The following COL19A1 variants were observed in gnomAD, a reference collection of about 807,000 sequenced individuals.
COL19A1 encodes the protein collagen type XIX alpha 1 chain, also known as collagen alpha-1(XIX) chain.
COL19A1 carries 159 observed loss-of-function variants against 190.2 expected under a neutral mutation model. The ratio of observed to expected loss-of-function variants is 0.84; its 90% CI spans 0.73 to 0.95. The LOEUF is 0.95. COL19A1 is among the 40% of genes least tolerant of loss of function. The pLI is 0.00. For missense variants in COL19A1, 1,418 were observed against 1,431.9 expected, an observed-to-expected ratio of 0.99 and a Z score of 0.16; for synonymous variants, 509 against 458.9, an observed-to-expected ratio of 1.11 and a Z score of -1.39.
At chr6:70,111,327 A>G (rs13203566) in intron 16 of COL19A1, among the ~76,000 whole-genome samples, 1 of 152,182 alleles carries the variant, frequency 6.6e-6, no homozygotes, top group Non-Finnish European at 1.5e-5. Context: ...TAGAGAAGCA[A>G]CAAGTTTTCA....
intron 12 of COL19A1, among the ~76,000 whole-genome samples, chr6:70,024,611 GTGT>G (rs1778628721): frequency 2.2e-5 from 3 of 137,778 alleles, no homozygotes; most frequent in African/African-American, 5.2e-5. Context: ...GTGTGTGTGT[GTGT>G]GGGTGTGTGG....
Position 70,034,304 on chromosome 6 carries a change from G to A in COL19A1, c.1134+6G>A. ...CTGGCCCAAAAGGAGAAAAGGTATT[G>A]TGTTTACCCAGCCAAGCCCAACCTT... On this transcript the variant is annotated splice_donor_region_variant and intron_variant, in intron 13 of 50. Transcript: ENST00000620364. The A allele has an allele frequency of 6.2e-7, 1 of 1,611,598 alleles. No homozygotes were observed. The highest frequency in any genetic ancestry group is 1.1e-5 in the South Asian group (1 of 91,050).
intron 9 of COL19A1, among the ~76,000 whole-genome samples, chr6:69,959,368 TACAC>T (rs745432258): frequency 1.3e-5 from 2 of 150,914 alleles, no homozygotes; most frequent in African/African-American, 4.9e-5. Context: ...TATATAAGAA[TACAC>T]ACACACACAC....
At chr6:69,962,569 T>C (rs1377483813) in intron 10 of COL19A1, among the ~76,000 whole-genome samples, 3 of 152,218 alleles carry the variant, frequency 2.0e-5, no homozygotes, top group Non-Finnish European at 2.9e-5. Flanking sequence ...ATTTTATACC[T>C]GAGAAAATTC....
intron 11 of COL19A1, among the ~76,000 whole-genome samples, chr6:69,984,638 G>A (rs1396681568): frequency 3.3e-5 from 5 of 152,140 alleles, no homozygotes; most frequent in East Asian, 1.9e-4. Context: ...TGAAGTTTCT[G>A]TATCATTCTC....
chr6:70,156,106 C>T lies in COL19A1; in HGVS notation c.2080-21C>T, dbSNP rs199815718. On this transcript the variant is annotated intron_variant, in intron 31 of 50. Coordinates refer to ENST00000620364, the MANE Select transcript of COL19A1 (RefSeq NM_001858.6). ...ACGGCTTTTATGACTCCCTCAGTAA[C>T]CTTATCTTTATACTCATTAGAATTT... is the stretch of plus-strand genomic sequence containing the variant. 1.6e-5 allele frequency: 25 copies of T among 1,607,790 alleles called. No individual in the cohort carries two copies. The East Asian group carries it at 5.4e-4, about 35-fold the overall frequency.
At chr6:70,187,274 TCC>T (rs1562255500) in intron 46 of COL19A1, among the ~76,000 whole-genome samples, 6 of 152,128 alleles carry the variant, frequency 3.9e-5, no homozygotes, top group Admixed American at 1.3e-4. Context: ...TCAATGGTTC[TCC>T]CTTCTCACCA....
chr6:70,199,757 T>C, intron 49 of COL19A1, 21 bp downstream of exon 49: 5 of 1,577,780 alleles, frequency 3.2e-6, no homozygotes, highest in Non-Finnish European at 3.4e-6. Context: ...AAGTGTAATA[T>C]TGGCTTATTG....
Position 70,190,371 on chromosome 6 carries a change from G to T in COL19A1, c.3084G>T (p.Arg1028Ser). ...IKKYINQEVL[R>S]IFEERMAVFL... ...AGTATATTAATCAAGAGGTCCTAAGGATTTTTGAAGGTTAGATTTTCTTAA... is the reference window on the plus strand; with the variant it reads ...AGTATATTAATCAAGAGGTCCTAAGTATTTTTGAAGGTTAGATTTTCTTAA... Residue 1028 changes from arginine to serine, a missense_variant, in exon 48 of 51, where the codon AGG becomes AGT. Coordinates refer to ENST00000620364, the MANE Select transcript of COL19A1 (RefSeq NM_001858.6). 1 of 1,598,638 alleles carries T rather than the reference G, an allele frequency of 6.3e-7. No homozygotes were observed. The highest frequency in any genetic ancestry group is 8.6e-7 in the Non-Finnish European group (1 of 1,168,608).
In COL19A1 at chr6:69,885,740, G is replaced by T. The variant is rs115776726; in HGVS notation, c.91+6082G>T. The stretch of plus-strand genomic sequence containing the variant: ...GAGATCACACAATATTTTTTTTCCT[G>T]TGTCTGGCTTATTTTACTTAGCATA... On this transcript the variant is annotated intron_variant, in intron 2 of 50. Coordinates refer to ENST00000620364, the MANE Select transcript of COL19A1 (RefSeq NM_001858.6). 2.8e-3 allele frequency among the ~76,000 whole-genome samples: 427 copies of T among 150,852 alleles called. 4 individuals carry two copies. The highest frequency in any genetic ancestry group is 9.7e-3 in the African/African-American group (399 of 40,972).
chr6:69,917,334 C>T (rs978810339), intron 4 of COL19A1, among the ~76,000 whole-genome samples: 2 of 152,128 alleles, frequency 1.3e-5, no homozygotes, highest in Admixed American at 6.5e-5. Context: ...AAGGCCTCCA[C>T]GTTAAGGCCT....
intron 15 of COL19A1, among the ~76,000 whole-genome samples, chr6:70,087,310 G>A (rs997995076): frequency 1.3e-5 from 2 of 152,158 alleles, no homozygotes; most frequent in African/African-American, 4.8e-5. Flanking sequence ...GGGATATGCA[G>A]TGTTGTGTGG....
Position 70,088,588 on chromosome 6 carries a change from C to A in COL19A1, c.1225-13581C>A, listed in dbSNP as rs117053536. On this transcript the variant is annotated intron_variant, in intron 15 of 50. Transcript: ENST00000620364. ...CAATCATCCAAAGCCACTATGTCCA[C>A]GTTTAATGCAGACTTATAATTCTTG... Among the ~76,000 whole-genome samples, 1,324 of 152,232 alleles carry A rather than the reference C, an allele frequency of 8.7e-3. 10 individuals carry two copies. The highest frequency in any genetic ancestry group is 0.015 in the Non-Finnish European group (1,049 of 68,004).
intron 14 of COL19A1, among the ~76,000 whole-genome samples, chr6:70,049,338 A>C (rs773885844): frequency 1.6e-4 from 25 of 151,976 alleles, no homozygotes; most frequent in Non-Finnish European, 2.7e-4. Flanking sequence ...AAGACATGTA[A>C]GTGAATTAGT....
At chr6:69,960,079 T>C in intron 10 of COL19A1, 39 bp downstream of exon 10, 1 of 1,569,380 alleles carries the variant, frequency 6.4e-7, no homozygotes, top group Non-Finnish European at 8.7e-7. Context: ...GTTAAGAATT[T>C]TAACGTGTTA....
At chr6:70,053,084 AT>A in intron 14 of COL19A1, among the ~76,000 whole-genome samples, 1 of 152,222 alleles carries the variant, frequency 6.6e-6, no homozygotes, top group Non-Finnish European at 1.5e-5. Context: ...TTGAAATGAT[AT>A]TGAAATGTTG....
intron 2 of COL19A1, chr6:69,889,834 A>G (rs1032324179): frequency 1.3e-5 from 2 of 152,248 alleles, no homozygotes; most frequent in African/African-American, 4.8e-5. Context: ...TAAGGGAATA[A>G]AAGCTGGCCA....
In COL19A1 at chr6:70,142,126, G is replaced by C. The variant is rs1319278920; in HGVS notation, c.1572+50G>C. On this transcript the variant is annotated intron_variant, in intron 22 of 50. Transcript: ENST00000620364. Reference sequence around the variant, plus strand: ...CTTGGGAAATAATTTGGGAATTGTAGCCATTCTGTGTAAAACATGGTGCTT... The same window carrying C: ...CTTGGGAAATAATTTGGGAATTGTACCCATTCTGTGTAAAACATGGTGCTT... 2.6e-6 allele frequency: 4 copies of C among 1,533,468 alleles called. No homozygotes were observed. In the African/African-American group the frequency reaches 4.1e-5, roughly 16 times the overall value. The allele number at this position is 1,533,468 out of a possible 1,614,324, so 95.0% of individuals were successfully genotyped here. A position where few individuals can be genotyped will look rare whatever the true frequency, so the allele number is the denominator to read the frequency against.
intron 2 of COL19A1, among the ~76,000 whole-genome samples, chr6:69,897,475 ACAC>A (rs1248394287): frequency 6.6e-6 from 1 of 152,040 alleles, no homozygotes. Context: ...ACACACACAC[ACAC>A]ACACACACAC....
Sources: allele counts gnomAD v4.1 joint callset (sites outside exome capture counted in the v4.1 genomes callset), GRCh38; gene constraint gnomAD v4.1.1; transcripts MANE v1.5; gene names NCBI Gene and HGNC (gene_info 2026-07-23, HGNC 2026-07-21).